The following VWA8 variants were observed in gnomAD, a reference collection of about 807,000 sequenced individuals.
VWA8 encodes the protein von Willebrand factor A domain-containing protein 8.
VWA8 carries 221 observed loss-of-function variants against 241.5 expected under a neutral mutation model. The ratio of observed to expected loss-of-function variants is 0.91; its 90% CI spans 0.82 to 1.02. The LOEUF (loss-of-function observed/expected upper bound fraction) is 1.02. Ranked by LOEUF, VWA8 falls within the 50% of genes least tolerant of loss-of-function variation. VWA8 has a pLI of 0.00. For missense variants in VWA8, 2,322 were observed against 2,328.7 expected, an observed-to-expected ratio of 1.00 and a Z score of 0.06; for synonymous variants, 852 against 827.1, an observed-to-expected ratio of 1.03 and a Z score of -0.52.
chr13:41,774,176 A>G (rs981427171), intron 20 of VWA8, among the ~76,000 whole-genome samples: 2 of 152,056 alleles, frequency 1.3e-5, no homozygotes, highest in Non-Finnish European at 2.9e-5. Flanking sequence ...GTCTCGCTCT[A>G]TCTCCCAGGC....
intron 29 of VWA8, chr13:41,696,200 T>C (rs1438752397): frequency 6.6e-6 from 1 of 152,226 alleles, no homozygotes; most frequent in African/African-American, 2.4e-5. Flanking sequence ...TGGATGTTTA[T>C]AAATTCTGCT....
intron 40 of VWA8, among the ~76,000 whole-genome samples, chr13:41,594,261 T>C (rs2044474490): frequency 6.6e-6 from 1 of 152,032 alleles, no homozygotes; most frequent in Non-Finnish European, 1.5e-5. Context: ...TAGCTGAGAC[T>C]ACAGGCATGT....
intron 37 of VWA8, among the ~76,000 whole-genome samples, chr13:41,640,803 A>T (rs912931649): frequency 6.6e-6 from 1 of 152,250 alleles, no homozygotes; most frequent in Non-Finnish European, 1.5e-5. Flanking sequence ...ACAACAAAAA[A>T]AGCACTTTAT....
chr13:41,858,458 T>G (rs1195873216), intron 12 of VWA8, among the ~76,000 whole-genome samples: 1 of 151,842 alleles, frequency 6.6e-6, no homozygotes, highest in Non-Finnish European at 1.5e-5. Context: ...ATACAAAAAT[T>G]AGCCGGGTGT....
intron 34 of VWA8, among the ~76,000 whole-genome samples, chr13:41,687,268 A>G (rs1230345448): frequency 6.6e-6 from 1 of 152,176 alleles, no homozygotes; most frequent in Non-Finnish European, 1.5e-5. Context: ...GTTTAATAGA[A>G]TGGTAACAGT....
At chr13:41,892,196 A>G (rs373075707) in intron 4 of VWA8, among the ~76,000 whole-genome samples, 1 of 152,234 alleles carries the variant, frequency 6.6e-6, no homozygotes, top group South Asian at 2.1e-4. Flanking sequence ...AAAATTAGTA[A>G]TGGAGAAAAT....
chr13:41,819,234 T>G lies in VWA8; in HGVS notation c.1853A>C (p.Gln618Pro). 6.2e-7 allele frequency: 1 copy of G among 1,602,360 alleles called. No homozygotes were observed. Among genetic ancestry groups the G allele is most frequent in the Non-Finnish European group, 8.5e-7 (1 of 1,177,388 alleles). ...TCTTCTTACCTTTTCCTTAATCACT[T>G]GGATTTCTTCACTTTTCACAAGTGG... ...MKPLVKSEEI[Q>P]VIKEKVPNVP... is the part of the protein sequence containing the mutation. Residue 618 changes from glutamine to proline, a missense_variant, in exon 15 of 45, where the codon CAA (glutamine) becomes CCA (proline). By Grantham distance (76) the Gln-to-Pro change is moderately conservative. Transcript: ENST00000379310.
chr13:41,934,130 C>T lies in VWA8; in HGVS notation c.241+15806G>A, dbSNP rs576386097. ...AAAAAGCAACTCAAAAAAAAAAAAA[C>T]CACAAACAGCCCACCCAAAATGTAG... is the stretch of plus-strand genomic sequence containing the variant. On this transcript the variant is annotated intron_variant, in intron 2 of 44. Coordinates refer to ENST00000379310, the MANE Select transcript of VWA8 (RefSeq NM_015058.2). Among the ~76,000 whole-genome samples, 7 of 143,766 alleles carry T rather than the reference C, an allele frequency of 4.9e-5. No homozygotes were observed. In the South Asian group the frequency reaches 1.1e-3, roughly 22 times the overall value. 94.3% of individuals were successfully genotyped at this position (143,766 alleles called of 152,430 possible).
intron 26 of VWA8, among the ~76,000 whole-genome samples, chr13:41,710,504 T>A (rs1286471622): frequency 6.6e-6 from 1 of 152,220 alleles, no homozygotes; most frequent in African/African-American, 2.4e-5. Flanking sequence ...GCAAAGACTA[T>A]GACAATATAA....
At chr13:41,725,984 T>G (rs1191461685) in intron 24 of VWA8, among the ~76,000 whole-genome samples, 1 of 152,208 alleles carries the variant, frequency 6.6e-6, no homozygotes, top group Non-Finnish European at 1.5e-5. Context: ...TATCAGATTC[T>G]TGTGGACCTT....
chr13:41,684,812 C>T (rs1297837995), intron 35 of VWA8, among the ~76,000 whole-genome samples: 1 of 152,110 alleles, frequency 6.6e-6, no homozygotes, highest in Admixed American at 6.6e-5. Flanking sequence ...AAAGTTACTG[C>T]ATATATTATA....
chr13:41,593,135 A>G (rs2139649079), intron 40 of VWA8, among the ~76,000 whole-genome samples: 1 of 152,336 alleles, frequency 6.6e-6, no homozygotes, highest in African/African-American at 2.4e-5. Context: ...CAGCCATTAC[A>G]CAAAGAAGCA....
chr13:41,800,815 G>A (rs971532267), intron 17 of VWA8, among the ~76,000 whole-genome samples: 2 of 148,492 alleles, frequency 1.3e-5, no homozygotes, highest in African/African-American at 2.5e-5. Flanking sequence ...AAAAAACACC[G>A]TGTTTTAGAA....
chr13:41,920,711 C>A (rs1358724618), intron 2 of VWA8, among the ~76,000 whole-genome samples: 2 of 152,134 alleles, frequency 1.3e-5, no homozygotes, highest in East Asian at 1.9e-4. Flanking sequence ...AATTCCTCGA[C>A]ACATACACCC....
intron 14 of VWA8, among the ~76,000 whole-genome samples, chr13:41,820,324 T>A (rs922045128): frequency 3.9e-5 from 6 of 152,114 alleles, no homozygotes; most frequent in African/African-American, 1.4e-4. Context: ...ACTATAACAT[T>A]ATATTACAAC....
At chr13:41,833,644 A>G (rs1315403028) in intron 12 of VWA8, 113 bp from the exon 13 acceptor site, 22 of 1,208,448 alleles carry the variant, frequency 1.8e-5, no homozygotes, top group Non-Finnish European at 2.2e-5. Context: ...AACATTCCAT[A>G]TAGTAACAGA....
In VWA8 at chr13:41,784,729, T is replaced by TATACACAC. The variant is rs772522331; in HGVS notation, c.2171-829_2171-828insGTGTGTAT. 5.8e-4 allele frequency among the ~76,000 whole-genome samples: 35 copies of TATACACAC among 60,092 alleles called. 3 individuals carry two copies. Among genetic ancestry groups the TATACACAC allele is most frequent in the Middle Eastern group, 7.9e-3 (1 of 126 alleles). 39.4% of individuals were successfully genotyped at this position (60,092 alleles called of 152,430 possible). A position where few individuals can be genotyped will look rare whatever the true frequency, so the allele number is the denominator to read the frequency against. The stretch of plus-strand genomic sequence containing the variant: ...ATATATATATATATATATATATATA[T>TATACACAC]ACACACACATATATATATATATATA... On this transcript the variant is annotated intron_variant, in intron 18 of 44. Transcript: ENST00000379310.
At chr13:41,771,698 C>T (rs1165514108) in intron 20 of VWA8, among the ~76,000 whole-genome samples, 1 of 152,140 alleles carries the variant, frequency 6.6e-6, no homozygotes, top group Admixed American at 6.5e-5. Flanking sequence ...TCTGCCTAAG[C>T]ACCCTGAGTA....
At chr13:41,950,996 C>G (rs1268023259) in intron 1 of VWA8, among the ~76,000 whole-genome samples, 1 of 152,068 alleles carries the variant, frequency 6.6e-6, no homozygotes, top group East Asian at 1.9e-4. Context: ...AACACAGATC[C>G]TCAACCTTTT....
Sources: gnomAD v4.1 joint callset for allele counts (sites outside exome capture counted in the v4.1 genomes callset) on GRCh38, gnomAD v4.1.1 for gene constraint, MANE v1.5 for transcripts, NCBI Gene and HGNC (gene_info 2026-07-23, HGNC 2026-07-21) for gene names.